Variants in CCDC170 observed in about 807,000 individuals in gnomAD.
The protein encoded by CCDC170 is coiled-coil domain containing 170.
A neutral mutation model predicts 72.6 loss-of-function variants in CCDC170; 69 were observed. That is an observed-to-expected ratio of 0.95 (90% CI 0.78 to 1.16). The LOEUF is 1.16. Among genes scored for constraint, CCDC170 ranks in the 50% most tolerant of loss-of-function variants. CCDC170 has a pLI of 0.00. For synonymous variants in CCDC170, 300 were observed against 303.9 expected, an observed-to-expected ratio of 0.99 and a Z score of 0.13; for missense variants, 852 against 832.5, an observed-to-expected ratio of 1.02 and a Z score of -0.29.
intron 5 of CCDC170, among the ~76,000 whole-genome samples, chr6:151,570,002 TA>T (rs1238173888): frequency 2.0e-5 from 3 of 152,218 alleles, no homozygotes; most frequent in Non-Finnish European, 4.4e-5. Context: ...TGCCTAGGTT[TA>T]AAAAGAAAAC....
At chr6:151,563,786 G>A (rs1453379885) in intron 5 of CCDC170, among the ~76,000 whole-genome samples, 1 of 152,200 alleles carries the variant, frequency 6.6e-6, no homozygotes, top group Non-Finnish European at 1.5e-5. Context: ...GGGATAGTCA[G>A]AGAGGTGAGT....
chr6:151,573,251 C>T lies in CCDC170; in HGVS notation c.852C>T (p.Gly284=), dbSNP rs1249147249. ...TCTTCCAAGAAAGGCTGCTTGCTGG[C>T]CAGCAGGTCTGGGATGCCTCAAAGC... is the stretch of plus-strand genomic sequence containing the variant. ...VKIFQERLLA[G]QQVWDASKQE... Residue 284 remains glycine, a synonymous_variant, in exon 6 of 11, where the codon GGC becomes GGT. Transcript: ENST00000239374. 6.2e-7 allele frequency: 1 copy of T among 1,614,126 alleles called. No individual in the cohort carries two copies. Among genetic ancestry groups the T allele is most frequent in the South Asian group, 1.1e-5 (1 of 91,078 alleles).
chr6:151,600,199 C>T (rs1289949165), intron 9 of CCDC170, among the ~76,000 whole-genome samples: 2 of 152,176 alleles, frequency 1.3e-5, no homozygotes, highest in Non-Finnish European at 2.9e-5. Context: ...TATCAGACTT[C>T]TGAAATCAAT....
At chr6:151,608,223 A>AT (rs1398969010) in intron 9 of CCDC170, among the ~76,000 whole-genome samples, 3 of 151,642 alleles carry the variant, frequency 2.0e-5, no homozygotes, top group Non-Finnish European at 4.4e-5. Flanking sequence ...TCAGATCATG[A>AT]TTTTTTCTTA....
At chr6:151,496,655 T>A (rs1423328053) in intron 1 of CCDC170, among the ~76,000 whole-genome samples, 1 of 152,188 alleles carries the variant, frequency 6.6e-6, no homozygotes, top group East Asian at 1.9e-4. Flanking sequence ...ACTGAAAACA[T>A]TAAATTACAA....
intron 8 of CCDC170, among the ~76,000 whole-genome samples, chr6:151,595,891 G>A (rs1776614312): frequency 6.6e-6 from 1 of 152,104 alleles, no homozygotes; most frequent in Non-Finnish European, 1.5e-5. Context: ...ATTGAAATGA[G>A]CCAGTCTAGG....
rs201526667 is a variant in CCDC170, at chr6:151,538,239, C to G, written c.381C>G (p.His127Gln). ...AAATCAGAACAGAAATCACAGCTCA[C>G]GCTGCAATCAAGGAGAACCAGGAAT... Reference protein sequence around the residue: ...TSKIRTEITAHAAIKENQELK... With the variant: ...TSKIRTEITAQAAIKENQELK... The change falls in exon 3 of 11, where the codon CAC becomes CAG. Residue 127 changes from histidine (H) to glutamine (Q), a missense_variant. His to Gln is a conservative substitution (Grantham distance 24, BLOSUM62 0). Transcript: ENST00000239374. The G allele has an allele frequency of 6.2e-7, 1 of 1,613,430 alleles. No individual in the cohort carries two copies. Among genetic ancestry groups the G allele is most frequent in the Non-Finnish European group, 8.5e-7 (1 of 1,179,746 alleles).
At chr6:151,516,779 G>A (rs1412529787) in intron 1 of CCDC170, among the ~76,000 whole-genome samples, 2 of 152,204 alleles carry the variant, frequency 1.3e-5, no homozygotes, top group Non-Finnish European at 2.9e-5. Flanking sequence ...GGTTCAACCA[G>A]GTGCGATGTT....
chr6:151,587,917 T>C (rs2115107330), intron 7 of CCDC170, among the ~76,000 whole-genome samples: 1 of 152,156 alleles, frequency 6.6e-6, no homozygotes, highest in East Asian at 1.9e-4. Flanking sequence ...TAGGAATTTG[T>C]CAGGCAGAAG....
intron 8 of CCDC170, among the ~76,000 whole-genome samples, 176 bp from the exon 9 acceptor site, chr6:151,596,159 C>T (rs1364148883): frequency 6.6e-6 from 1 of 152,026 alleles, no homozygotes; most frequent in African/African-American, 2.4e-5. Context: ...GCAATTAATT[C>T]TTGGAAAGGG....
chr6:151,604,238 CCAA>C (rs1260577600), intron 9 of CCDC170, among the ~76,000 whole-genome samples: 2 of 152,192 alleles, frequency 1.3e-5, no homozygotes, highest in Non-Finnish European at 2.9e-5. Flanking sequence ...TTTCTCCAAC[CCAA>C]CGAGTATAGC....
chr6:151,517,644 A>G (rs888582784), intron 1 of CCDC170, among the ~76,000 whole-genome samples: 2 of 151,564 alleles, frequency 1.3e-5, no homozygotes, highest in Non-Finnish European at 2.9e-5. Context: ...GGGTTTCACC[A>G]TGTTGGTCAG....
intron 5 of CCDC170, 59 bp from the exon 6 acceptor site, chr6:151,573,115 T>G: frequency 2.0e-6 from 3 of 1,467,028 alleles, no homozygotes; most frequent in Non-Finnish European, 2.8e-6. Context: ...CCATAGCAAA[T>G]GCAGGTGTAC....
intron 1 of CCDC170, among the ~76,000 whole-genome samples, chr6:151,504,126 C>T (rs1782033376): frequency 6.6e-6 from 1 of 152,026 alleles, no homozygotes; most frequent in African/African-American, 2.4e-5. Flanking sequence ...AGGTAAGGGA[C>T]CATAGTGTGT....
intron 1 of CCDC170, among the ~76,000 whole-genome samples, chr6:151,496,470 A>G (rs1562819270): frequency 6.6e-6 from 1 of 152,242 alleles, no homozygotes; most frequent in Non-Finnish European, 1.5e-5. Flanking sequence ...AGCATTTATT[A>G]CAATTAAATG....
At chr6:151,516,559 G>A (rs753297130) in intron 1 of CCDC170, among the ~76,000 whole-genome samples, 13 of 152,028 alleles carry the variant, frequency 8.6e-5, no homozygotes, top group Non-Finnish European at 1.9e-4. Context: ...TTGTCATCTC[G>A]CACCAAGAAG....
At chr6:151,504,864 C>T (rs1037501505) in intron 1 of CCDC170, among the ~76,000 whole-genome samples, 1 of 151,274 alleles carries the variant, frequency 6.6e-6, no homozygotes, top group Non-Finnish European at 1.5e-5. Context: ...GAGGAGAGAG[C>T]GTCGAGGACA....
intron 3 of CCDC170, 96 bp downstream of exon 3, chr6:151,538,397 T>A: frequency 8.2e-7 from 1 of 1,226,536 alleles, no homozygotes; most frequent in Non-Finnish European, 1.1e-6. Context: ...CATTTTGCAT[T>A]ACTTGGCCCT....
chr6:151,616,126 G>A (rs374652844), intron 10 of CCDC170, among the ~76,000 whole-genome samples: 73 of 152,064 alleles, frequency 4.8e-4, no homozygotes, highest in Admixed American at 4.4e-3. Flanking sequence ...TTAGGTGATC[G>A]CCTCTGAAGT....
Sources: allele counts gnomAD v4.1 joint callset (sites outside exome capture counted in the v4.1 genomes callset), GRCh38; gene constraint gnomAD v4.1.1; transcripts MANE v1.5; gene names NCBI Gene and HGNC (gene_info 2026-07-23, HGNC 2026-07-21).